Variants in CNTNAP2 observed in about 807,000 individuals in gnomAD.
CNTNAP2 encodes contactin associated protein 2, also known as contactin-associated protein-like 2.
Under a neutral mutation model 155.2 loss-of-function variants are expected in CNTNAP2, and 98 were observed. The observed-to-expected ratio is 0.63, with a 90% CI of 0.54 to 0.75. The LOEUF (loss-of-function observed/expected upper bound fraction) is 0.75, where lower values mean the gene tolerates loss of function less well. Ranked by LOEUF, CNTNAP2 falls within the 30% of genes least tolerant of loss-of-function variation. The pLI is 0.00. For missense variants in CNTNAP2, 1,727 were observed against 1,688.1 expected, an observed-to-expected ratio of 1.02 and a Z score of -0.40; for synonymous variants, 651 against 631.2, an observed-to-expected ratio of 1.03 and a Z score of -0.47.
In CNTNAP2 at chr7:146,170,890, A is replaced by C. The variant is rs544221428; in HGVS notation, c.97+53917A>C. 4.6e-5 allele frequency among the ~76,000 whole-genome samples: 7 copies of C among 152,104 alleles called. No individual in the cohort carries two copies. In the East Asian group the frequency reaches 1.2e-3, roughly 25 times the overall value. On this transcript the variant is annotated intron_variant, in intron 1 of 23. Coordinates refer to ENST00000361727, the MANE Select transcript of CNTNAP2 (RefSeq NM_014141.6). ...AAACTACAAAAAATTAGCCAGACAT[A>C]GTGTTGGCTGCGTGTAATCCCAGCT... is the stretch of plus-strand genomic sequence containing the variant.
intron 16 of CNTNAP2, among the ~76,000 whole-genome samples, chr7:148,135,482 T>C (rs1804917648): frequency 6.6e-6 from 1 of 152,192 alleles, no homozygotes; most frequent in African/African-American, 2.4e-5. Context: ...ATTTTAAGTA[T>C]GTGATATGCG....
At chr7:146,279,153 A>G (rs1800209789) in intron 1 of CNTNAP2, among the ~76,000 whole-genome samples, 1 of 152,102 alleles carries the variant, frequency 6.6e-6, no homozygotes, top group African/African-American at 2.4e-5. Flanking sequence ...TCCTGTTGTC[A>G]TTGGATTTTG....
chr7:146,258,414 T>A (rs1799871920), intron 1 of CNTNAP2, among the ~76,000 whole-genome samples: 1 of 152,170 alleles, frequency 6.6e-6, no homozygotes, highest in Non-Finnish European at 1.5e-5. Context: ...CAATCAAATT[T>A]TCAGAAAATG....
chr7:146,305,285 A>T (rs1352137407), intron 1 of CNTNAP2, among the ~76,000 whole-genome samples: 1 of 152,128 alleles, frequency 6.6e-6, no homozygotes, highest in Non-Finnish European at 1.5e-5. Context: ...AACTCGTCAA[A>T]GTCTTTCTCC....
At chr7:146,792,194 G>A (rs1406475010) in intron 2 of CNTNAP2, among the ~76,000 whole-genome samples, 2 of 151,758 alleles carry the variant, frequency 1.3e-5, no homozygotes, top group African/African-American at 2.4e-5. Flanking sequence ...ATTCAGGCTG[G>A]GAGAGAACAT....
intron 1 of CNTNAP2, among the ~76,000 whole-genome samples, chr7:146,739,441 A>G (rs1286825344): frequency 6.6e-6 from 1 of 151,936 alleles, no homozygotes; most frequent in Non-Finnish European, 1.5e-5. Flanking sequence ...TTTAATTTCC[A>G]TGCATTTGTA....
intron 8 of CNTNAP2, among the ~76,000 whole-genome samples, chr7:147,286,093 G>T (rs1392239441): frequency 1.3e-5 from 2 of 151,874 alleles, no homozygotes; most frequent in Non-Finnish European, 2.9e-5. Flanking sequence ...TTTTTATATT[G>T]TCTACAATGT....
intron 13 of CNTNAP2, among the ~76,000 whole-genome samples, chr7:147,826,592 C>G (rs542173189): frequency 6.6e-6 from 1 of 152,264 alleles, no homozygotes; most frequent in South Asian, 2.1e-4. Context: ...GAGTCTAAAA[C>G]AGCTATTTGG....
chr7:147,259,967 A>ATCCC (rs1804419726), intron 8 of CNTNAP2, among the ~76,000 whole-genome samples: 1 of 152,162 alleles, frequency 6.6e-6, no homozygotes, highest in Admixed American at 6.5e-5. Context: ...ATTTTCCACT[A>ATCCC]TCCCTCCCTC....
At chr7:146,238,245 A>C (rs1016612914) in intron 1 of CNTNAP2, among the ~76,000 whole-genome samples, 1 of 152,204 alleles carries the variant, frequency 6.6e-6, no homozygotes, top group Non-Finnish European at 1.5e-5. Flanking sequence ...TTTAGGAAAT[A>C]GGAATCAGGA....
chr7:147,194,848 A>C (rs1405328818), intron 8 of CNTNAP2, among the ~76,000 whole-genome samples: 1 of 151,994 alleles, frequency 6.6e-6, no homozygotes, highest in African/African-American at 2.4e-5. Flanking sequence ...AGATTGCAAA[A>C]ATTTTCTCCC....
intron 2 of CNTNAP2, among the ~76,000 whole-genome samples, chr7:146,822,020 C>G (rs553487929): frequency 5.1e-4 from 77 of 152,178 alleles, no homozygotes; most frequent in African/African-American, 1.8e-3. Context: ...GACACATGCA[C>G]ACGTATGTTT....
At chr7:147,231,698 C>T (rs1303483078) in intron 8 of CNTNAP2, among the ~76,000 whole-genome samples, 1 of 152,150 alleles carries the variant, frequency 6.6e-6, no homozygotes, top group Non-Finnish European at 1.5e-5. Context: ...CTGAGCATCT[C>T]TTCATATACC....
At chr7:146,495,781 T>C (rs1423442199) in intron 1 of CNTNAP2, among the ~76,000 whole-genome samples, 1 of 148,066 alleles carries the variant, frequency 6.8e-6, no homozygotes, top group Non-Finnish European at 1.5e-5. Context: ...TGAGAAAGGG[T>C]AAGGCATGAG....
At chr7:146,762,665 C>A (rs759334145) in intron 1 of CNTNAP2, among the ~76,000 whole-genome samples, 2 of 152,132 alleles carry the variant, frequency 1.3e-5, no homozygotes, top group Non-Finnish European at 2.9e-5. Context: ...CTAACAGAGA[C>A]ATGCCTGTGC....
At chr7:146,748,233 C>T (rs1310070134) in intron 1 of CNTNAP2, among the ~76,000 whole-genome samples, 3 of 146,392 alleles carry the variant, frequency 2.0e-5, no homozygotes, top group Non-Finnish European at 4.4e-5. Flanking sequence ...GCAAGCTCTG[C>T]TTCCCGGGTT....
chr7:148,336,550 G>GA (rs768479500), intron 21 of CNTNAP2, among the ~76,000 whole-genome samples: 1 of 73,120 alleles, frequency 1.4e-5, no homozygotes, highest in Non-Finnish European at 2.9e-5. Context: ...TGATGAAAAA[G>GA]AAAAAAAAAA....
intron 14 of CNTNAP2, among the ~76,000 whole-genome samples, chr7:147,919,635 T>G (rs1260261289): frequency 6.6e-6 from 1 of 151,552 alleles, no homozygotes; most frequent in South Asian, 2.1e-4. Flanking sequence ...ATTTTTTGTA[T>G]TTTTAGTAGA....
intron 9 of CNTNAP2, among the ~76,000 whole-genome samples, chr7:147,356,546 A>C (rs1010504131): frequency 6.6e-6 from 1 of 152,164 alleles, no homozygotes; most frequent in Non-Finnish European, 1.5e-5. Context: ...GTCTTAGCCC[A>C]AAATCTCTTA....
Sources: allele counts gnomAD v4.1 joint callset (sites outside exome capture counted in the v4.1 genomes callset), GRCh38; gene constraint gnomAD v4.1.1; transcripts MANE v1.5; gene names NCBI Gene and HGNC (gene_info 2026-07-23, HGNC 2026-07-21).